GLIS3: variants seen among roughly 807,000 people sequenced by gnomAD.
The protein encoded by GLIS3 is zinc finger protein GLIS3.
In GLIS3, 53 loss-of-function variants were observed where a neutral mutation model predicts 78.6. The observed-to-expected ratio is 0.67, with a 90% confidence interval of 0.54 to 0.85. GLIS3 has a LOEUF of 0.85. Among genes scored for constraint, GLIS3 ranks in the 40% least tolerant of loss-of-function variants. The pLI is 0.00. For missense variants in GLIS3, 1,703 were observed against 1,231.1 expected, an observed-to-expected ratio of 1.38 and a Z score of -5.74; for synonymous variants, 684 against 509.9, an observed-to-expected ratio of 1.34 and a Z score of -4.60.
intron 4 of GLIS3, among the ~76,000 whole-genome samples, chr9:4,028,850 A>T (rs998455819): frequency 6.6e-6 from 1 of 152,216 alleles, no homozygotes; most frequent in Admixed American, 6.5e-5. Flanking sequence ...AGCAGTGAAG[A>T]TAATAAAGGT....
the GLIS3 span, among the ~76,000 whole-genome samples, chr9:4,360,194 C>T: frequency 0.75 from 113,383 of 152,116 alleles, 42,931 homozygotes; most frequent in African/African-American, 0.88. Flanking sequence ...AATCATCACC[C>T]AACCGCCTGA....
intron 2 of GLIS3, among the ~76,000 whole-genome samples, chr9:4,236,953 G>C (rs1254857430): frequency 1.3e-5 from 2 of 151,942 alleles, no homozygotes; most frequent in Non-Finnish European, 2.9e-5. Context: ...CATCGTCTCA[G>C]GTGAGAATCA....
At chr9:4,425,199 G>A in the GLIS3 span, among the ~76,000 whole-genome samples, 2 of 152,302 alleles carry the variant, frequency 1.3e-5, no homozygotes, top group Admixed American at 1.3e-4. Context: ...TGATTTACAT[G>A]AGAGCGATAT....
At chr9:4,218,885 G>T (rs1821083258) in intron 2 of GLIS3, among the ~76,000 whole-genome samples, 1 of 151,978 alleles carries the variant, frequency 6.6e-6, no homozygotes, top group African/African-American at 2.4e-5. Context: ...CACTTTCATG[G>T]CTTTATCTTC....
chr9:4,267,333 T>C (rs1368916398), intron 2 of GLIS3, among the ~76,000 whole-genome samples: 1 of 152,132 alleles, frequency 6.6e-6, no homozygotes, highest in African/African-American at 2.4e-5. Flanking sequence ...TAGACAGCCC[T>C]TGAGGGTTAA....
At chr9:4,256,236 G>A (rs529430864) in intron 2 of GLIS3, among the ~76,000 whole-genome samples, 6 of 152,106 alleles carry the variant, frequency 3.9e-5, no homozygotes, top group Admixed American at 2.0e-4. Flanking sequence ...TAATTTGGGG[G>A]AACACTGTGC....
At chr9:3,882,887 C>A (rs567229855) in intron 7 of GLIS3, among the ~76,000 whole-genome samples, 6 of 152,302 alleles carry the variant, frequency 3.9e-5, no homozygotes, top group African/African-American at 1.2e-4. Flanking sequence ...AATCTTACTT[C>A]TGGTGAGAAG....
chr9:3,885,740 G>T (rs1003985527), intron 7 of GLIS3, among the ~76,000 whole-genome samples: 1 of 152,166 alleles, frequency 6.6e-6, no homozygotes, highest in Non-Finnish European at 1.5e-5. Context: ...TTTTAGAGCT[G>T]GGAAAAGTTC....
intron 4 of GLIS3, among the ~76,000 whole-genome samples, chr9:4,043,522 G>A (rs1196728245): frequency 6.6e-6 from 1 of 152,000 alleles, no homozygotes; most frequent in Non-Finnish European, 1.5e-5. Context: ...CTGGGAAGGG[G>A]CCTTTAAATC....
the GLIS3 span, among the ~76,000 whole-genome samples, chr9:4,370,029 T>TA: frequency 6.6e-6 from 1 of 151,636 alleles, no homozygotes; most frequent in Non-Finnish European, 1.5e-5. Flanking sequence ...CCGTCTGTAC[T>TA]AAAAATACAA....
intron 2 of GLIS3, among the ~76,000 whole-genome samples, chr9:4,187,299 T>C (rs1483559598): frequency 6.6e-6 from 1 of 152,236 alleles, no homozygotes; most frequent in East Asian, 1.9e-4. Context: ...AAAGATCAGA[T>C]ACTTGTAGAT....
chr9:4,238,891 G>A (rs987179513), intron 2 of GLIS3, among the ~76,000 whole-genome samples: 3 of 152,086 alleles, frequency 2.0e-5, no homozygotes, highest in African/African-American at 7.2e-5. Flanking sequence ...AGCCACAGCA[G>A]CTACTGCAGT....
rs2129998568 is a variant in GLIS3 at position 4,260,065 on chromosome 9, A to T, written c.388+25973T>A. On this transcript the variant is annotated intron_variant, in intron 2 of 10. Transcript: ENST00000381971. ...ATTAGGTGGTTCTATAGAAGGAACG[A>T]TAGTGACCTCTGATCTACACACTTC... Among the ~76,000 whole-genome samples the T allele has an allele frequency of 1.5e-5, 2 of 131,004 alleles. 1 individual carries two copies. Among genetic ancestry groups the T allele is most frequent in the South Asian group, 4.9e-4 (2 of 4,054 alleles). The allele number at this position is 131,004 out of a possible 152,430, so 85.9% of individuals were successfully genotyped here.
intron 4 of GLIS3, among the ~76,000 whole-genome samples, chr9:3,992,243 T>A (rs781177876): frequency 2.0e-5 from 3 of 152,200 alleles, no homozygotes; most frequent in Non-Finnish European, 2.9e-5. Context: ...TGTAAAAAAA[T>A]ATGTTTTCCA....
chr9:4,164,781 G>T (rs1835753429), intron 2 of GLIS3, among the ~76,000 whole-genome samples: 1 of 152,198 alleles, frequency 6.6e-6, no homozygotes, highest in Non-Finnish European at 1.5e-5. Context: ...AAAATGAATA[G>T]ATCAGGGAGG....
chr9:4,361,727 A>G, the GLIS3 span, among the ~76,000 whole-genome samples: 1 of 152,210 alleles, frequency 6.6e-6, no homozygotes, highest in Non-Finnish European at 1.5e-5. Flanking sequence ...GTCGGCATTA[A>G]AAGTCAGTGA....
chr9:3,885,340 G>A (rs1395352957), intron 7 of GLIS3, among the ~76,000 whole-genome samples: 1 of 152,166 alleles, frequency 6.6e-6, no homozygotes, highest in South Asian at 2.1e-4. Flanking sequence ...GAGGTTTACC[G>A]GGCAGATCTG....
chr9:4,001,001 A>T (rs1271295720), intron 4 of GLIS3, among the ~76,000 whole-genome samples: 1 of 152,190 alleles, frequency 6.6e-6, no homozygotes, highest in Non-Finnish European at 1.5e-5. Flanking sequence ...AGATTTTTGT[A>T]GCCAGGAGCT....
rs570221109 is a variant in GLIS3, at chr9:3,977,618, A to C, written c.1711-40429T>G. 1.3e-5 allele frequency among the ~76,000 whole-genome samples: 2 copies of C among 152,304 alleles called. No homozygotes were observed. Among genetic ancestry groups the C allele is most frequent in the African/African-American group, 4.8e-5 (2 of 41,572 alleles). On this transcript the variant is annotated intron_variant, in intron 4 of 10. Transcript: ENST00000381971. The surrounding 1 kb of genome is among the most constrained non-coding windows in gnomAD (Gnocchi z 4.1). ...TTTCAATAACAAATCTGTCACTCCG[A>C]TTTTAATTAGACGGCTTAAAGCAGC...
Sources: allele counts gnomAD v4.1 joint callset (sites outside exome capture counted in the v4.1 genomes callset), GRCh38; gene constraint gnomAD v4.1.1; non-coding constraint Gnocchi (gnomAD v3.1); transcripts MANE v1.5; gene names NCBI Gene and HGNC (gene_info 2026-07-23, HGNC 2026-07-21).